Variants in SPG7 observed in about 807,000 individuals in gnomAD.
SPG7 encodes SPG7 matrix AAA peptidase subunit, paraplegin, also known as mitochondrial inner membrane m-AAA protease component paraplegin.
SPG7 carries 103 observed loss-of-function variants against 81.9 expected under a neutral mutation model. That is an observed-to-expected ratio of 1.26 (90% CI 1.07 to 1.48). SPG7 has a LOEUF of 1.48. SPG7 is among the 40% of genes most tolerant of loss of function. SPG7 has a pLI of 0.00. For synonymous variants in SPG7, 534 were observed against 444.2 expected, an observed-to-expected ratio of 1.20 and a Z score of -2.54; for missense variants, 1,241 against 1,087.3, an observed-to-expected ratio of 1.14 and a Z score of -1.99.
rs1198771337 is a variant in SPG7 at position 89,523,999 on chromosome 16, G to A, written c.377-7G>A. On this transcript the variant is annotated splice_region_variant and splice_polypyrimidine_tract_variant and intron_variant, in intron 3 of 16. Transcript: ENST00000645818. ...TGTTTCTCCCTTTTGCTTCTCTGCC[G>A]GCTCAGAGGAGAGGAGACGCCGTGA... 11 of 1,611,854 alleles carry A rather than the reference G, an allele frequency of 6.8e-6. No individual in the cohort carries two copies. The highest frequency in any genetic ancestry group is 1.7e-5 in the Admixed American group (1 of 59,992).
intron 9 of SPG7, chr16:89,541,088 A>G (rs997103294): frequency 1.0e-6 from 1 of 984,778 alleles, no homozygotes. Flanking sequence ...TATCCTTATC[A>G]CGGTGTTGTA....
intron 16 of SPG7, chr16:89,555,732 G>T: frequency 2.5e-6 from 1 of 397,724 alleles, no homozygotes; most frequent in Non-Finnish European, 4.4e-6. Flanking sequence ...AGTGGGCAGA[G>T]CTGGAGTGAA....
chr16:89,545,273 A>G (rs2058548201), intron 10 of SPG7: 1 of 257,870 alleles, frequency 3.9e-6, no homozygotes, highest in African/African-American at 2.2e-5. Context: ...CCTCTGTCAC[A>G]GGGCTCTGGT....
chr16:89,546,580 C>A (rs577802159), intron 10 of SPG7, 78 bp from the exon 11 acceptor site: 30 of 956,704 alleles, frequency 3.1e-5, no homozygotes, highest in Middle Eastern at 2.1e-4. Context: ...GACCCCCCCC[C>A]CCCACAGACA....
chr16:89,547,827 G>C (rs937632570), intron 11 of SPG7, 176 bp from the exon 12 acceptor site: 4 of 642,062 alleles, frequency 6.2e-6, no homozygotes, highest in Non-Finnish European at 1.1e-5. Flanking sequence ...TGGCCAGGCT[G>C]GTCTCAAACT....
chr16:89,537,214 T>C, intron 9 of SPG7: 7 of 1,427,414 alleles, frequency 4.9e-6, no homozygotes, highest in Non-Finnish European at 6.4e-6. Flanking sequence ...GAAATCTCAC[T>C]GGGGAAGAGA....
intron 12 of SPG7, chr16:89,548,790 T>A (rs1274834548): frequency 7.9e-6 from 3 of 380,888 alleles, no homozygotes; most frequent in Non-Finnish European, 1.6e-5. Flanking sequence ...CCAGACGTGA[T>A]CAGTCATCTC....
chr16:89,523,882 A>C (rs1383932483), intron 3 of SPG7, 124 bp from the exon 4 acceptor site: 3 of 1,218,756 alleles, frequency 2.5e-6, no homozygotes, highest in Non-Finnish European at 3.5e-6. Flanking sequence ...GAGGAAGTGC[A>C]GGATCTTCTG....
At chr16:89,520,725 C>T (rs2058177314) in intron 3 of SPG7, 2 of 151,384 alleles carry the variant, frequency 1.3e-5, no homozygotes, top group Non-Finnish European at 2.9e-5. Context: ...TTTTTTCCCC[C>T]TGTAGAGATG....
Position 89,531,965 on chromosome 16 carries a change from C to T in SPG7, c.1049C>T (p.Pro350Leu), listed in dbSNP as rs376254211. The stretch of plus-strand genomic sequence containing the variant: ...CCAAAGGGCGCACTGCTGCTCGGCC[C>T]CCCCGGCTGTGGGAAGACGCTGCTG... ...KVPKGALLLG[P>L]PGCGKTLLAK... Residue 350 changes from proline (P) to leucine (L), a missense_variant, in exon 8 of 17, where the codon CCC becomes CTC. Coordinates refer to ENST00000645818, the MANE Select transcript of SPG7 (RefSeq NM_003119.4). 1.9e-6 allele frequency: 3 copies of T among 1,613,964 alleles called. No individual in the cohort carries two copies. Among genetic ancestry groups the T allele is most frequent in the African/African-American group, 1.3e-5 (1 of 75,058 alleles).
intron 4 of SPG7, among the ~76,000 whole-genome samples, chr16:89,525,868 C>G (rs2058253240): frequency 6.6e-6 from 1 of 152,198 alleles, no homozygotes. Flanking sequence ...CCTGCTGTGT[C>G]TGCAGGTGTA....
Position 89,532,651 on chromosome 16 carries a change from G to T in SPG7, c.1324+15G>T, listed in dbSNP as rs375463067. On this transcript the variant is annotated intron_variant, in intron 9 of 16. Transcript: ENST00000645818. ...AGAAATGGATGGTCAGTGCTCGTGC[G>T]CCCCGCACCCCCATTGCACCATCAG... is the stretch of plus-strand genomic sequence containing the variant. 7 of 1,612,648 alleles carry T rather than the reference G, an allele frequency of 4.3e-6. No homozygotes were observed. Among genetic ancestry groups the T allele is most frequent in the Non-Finnish European group, 5.9e-6 (7 of 1,179,998 alleles).
chr16:89,546,665 G>T lies in SPG7; in HGVS notation c.1457G>T (p.Arg486Leu), dbSNP rs111475461. The stretch of plus-strand genomic sequence containing the variant: ...CTCCCCTGGTTCTGGCAGGAGAGGC[G>T]GGAGATTTTTGAGCAGCACCTGAAG... The part of the protein sequence containing the change: ...FIDLPTLQER[R>L]EIFEQHLKSL... Residue 486 changes from arginine to leucine, a missense_variant, in exon 11 of 17, where the codon CGG becomes CTG. By Grantham distance (102) the Arg-to-Leu change is moderately radical. Transcript: ENST00000645818. 4 of 1,611,094 alleles carry T rather than the reference G, an allele frequency of 2.5e-6. No individual in the cohort carries two copies. The highest frequency in any genetic ancestry group is 3.4e-6 in the Non-Finnish European group (4 of 1,177,398).
chr16:89,531,202 G>C (rs2058337872), intron 7 of SPG7: 1 of 355,242 alleles, frequency 2.8e-6, no homozygotes, highest in South Asian at 2.3e-5. Context: ...CGCACCTGTA[G>C]TCCTGGCACC....
chr16:89,553,596 A>C, intron 14 of SPG7, 198 bp from the exon 15 acceptor site: 1 of 601,720 alleles, frequency 1.7e-6, no homozygotes, highest in East Asian at 2.8e-5. Flanking sequence ...ATAAAAGAGC[A>C]TTTCGGAAAG....
chr16:89,552,667 A>C, intron 13 of SPG7: 1 of 398,092 alleles, frequency 2.5e-6, no homozygotes, highest in Non-Finnish European at 4.8e-6. Flanking sequence ...CGCAGCGGCC[A>C]TCGGGGGTGA....
chr16:89,547,125 C>G (rs892104546), intron 11 of SPG7: 14 of 300,080 alleles, frequency 4.7e-5, no homozygotes, highest in Non-Finnish European at 5.2e-5. Flanking sequence ...CCCTCACGGT[C>G]TCTGTCAAGT....
intron 14 of SPG7, 137 bp downstream of exon 14, chr16:89,553,272 GT>G (rs1891713004): frequency 1.0e-6 from 1 of 993,398 alleles, no homozygotes; most frequent in African/African-American, 1.6e-5. Context: ...TAAAAGATAA[GT>G]TGTGGTCATA....
chr16:89,548,648 T>TG (rs2058596285), intron 12 of SPG7: 1 of 328,654 alleles, frequency 3.0e-6, no homozygotes, highest in African/African-American at 2.2e-5. Context: ...TGGTGACGGG[T>TG]GACCGGTGGG....
Sources: gnomAD v4.1 joint callset for allele counts (sites outside exome capture counted in the v4.1 genomes callset) on GRCh38, gnomAD v4.1.1 for gene constraint, MANE v1.5 for transcripts, NCBI Gene and HGNC (gene_info 2026-07-23, HGNC 2026-07-21) for gene names.